The following ERC2 variants were observed in gnomAD, a reference collection of about 807,000 sequenced individuals.
ERC2 encodes ELKS/RAB6-interacting/CAST family member 2.
A neutral mutation model predicts 114.8 loss-of-function variants in ERC2; 42 were observed. That is an observed-to-expected ratio of 0.37 (90% CI 0.29 to 0.47). ERC2 has a LOEUF of 0.47. ERC2 is among the 20% of genes least tolerant of loss of function. The pLI is 0.99. For synonymous variants in ERC2, 454 were observed against 425.5 expected (o/e 1.07, Z -0.82); for missense variants, 939 against 1,150.7 (o/e 0.82, Z 2.66).
intron 17 of ERC2, among the ~76,000 whole-genome samples, chr3:55,668,423 G>A (rs953495926): frequency 6.6e-6 from 1 of 152,202 alleles, no homozygotes; most frequent in Non-Finnish European, 1.5e-5. Context: ...GGCAGAGAAA[G>A]ACTAAGTAGA....
At chr3:55,586,784 C>G (rs1351743423) in intron 17 of ERC2, among the ~76,000 whole-genome samples, 4 of 152,140 alleles carry the variant, frequency 2.6e-5, no homozygotes, top group South Asian at 2.1e-4. Context: ...AATTTTTATT[C>G]TGAAATATTT....
chr3:56,094,517 G>A (rs1560163199), intron 6 of ERC2, among the ~76,000 whole-genome samples: 1 of 152,148 alleles, frequency 6.6e-6, no homozygotes, highest in African/African-American at 2.4e-5. Context: ...GACCTTGGGG[G>A]AAGCTGCTTA....
At chr3:55,868,324 A>T (rs2062420241) in intron 14 of ERC2, among the ~76,000 whole-genome samples, 1 of 152,192 alleles carries the variant, frequency 6.6e-6, no homozygotes. Flanking sequence ...CACATCTAAA[A>T]AGTGGGAAAA....
At chr3:56,196,794 A>G (rs1447902845) in intron 3 of ERC2, among the ~76,000 whole-genome samples, 1 of 152,100 alleles carries the variant, frequency 6.6e-6, no homozygotes, top group Non-Finnish European at 1.5e-5. Flanking sequence ...ATCATGAGCC[A>G]TATGTTAGAA....
intron 2 of ERC2, among the ~76,000 whole-genome samples, chr3:56,341,973 G>A (rs1303356593): frequency 6.6e-6 from 1 of 152,200 alleles, no homozygotes; most frequent in Non-Finnish European, 1.5e-5. Flanking sequence ...GGCTGGAGAG[G>A]CAGGGTGCCA....
chr3:56,255,113 T>C (rs2052428178), intron 3 of ERC2, among the ~76,000 whole-genome samples: 1 of 152,208 alleles, frequency 6.6e-6, no homozygotes, highest in Admixed American at 6.5e-5. Flanking sequence ...GTAACACAGT[T>C]ATCATTTGTT....
intron 2 of ERC2, among the ~76,000 whole-genome samples, chr3:56,413,505 C>T (rs111477701): frequency 4.2e-4 from 64 of 152,254 alleles, no homozygotes; most frequent in African/African-American, 1.5e-3. Flanking sequence ...CATGGAAGGA[C>T]ACTGAGCCCA....
chr3:55,627,705 G>C (rs1449874816), intron 17 of ERC2, among the ~76,000 whole-genome samples: 1 of 152,082 alleles, frequency 6.6e-6, no homozygotes, highest in Non-Finnish European at 1.5e-5. Context: ...TCTTGATAGA[G>C]ACATCACAAA....
chr3:56,449,886 C>G (rs927345609), intron 1 of ERC2, among the ~76,000 whole-genome samples: 1 of 152,308 alleles, frequency 6.6e-6, no homozygotes, highest in African/African-American at 2.4e-5. Flanking sequence ...TAGAATTCTC[C>G]CAGTTCACTA....
intron 17 of ERC2, among the ~76,000 whole-genome samples, chr3:55,518,070 G>C (rs1368246876): frequency 6.6e-6 from 1 of 152,058 alleles, no homozygotes; most frequent in Non-Finnish European, 1.5e-5. Context: ...AGCATGCCAA[G>C]CCACTGCCCA....
At chr3:56,258,056 C>T (rs538146982) in intron 3 of ERC2, among the ~76,000 whole-genome samples, 3 of 152,234 alleles carry the variant, frequency 2.0e-5, no homozygotes, top group Admixed American at 2.0e-4. Context: ...TGCACAGAAG[C>T]CTGAGAGCAA....
intron 3 of ERC2, among the ~76,000 whole-genome samples, chr3:56,177,143 A>T (rs2083023088): frequency 6.6e-6 from 1 of 152,250 alleles, no homozygotes; most frequent in African/African-American, 2.4e-5. Context: ...TTCAGGCTTT[A>T]TCTACAGAGA....
At chr3:56,243,262 C>G (rs1576038936) in intron 3 of ERC2, among the ~76,000 whole-genome samples, 1 of 152,150 alleles carries the variant, frequency 6.6e-6, no homozygotes, top group South Asian at 2.1e-4. Flanking sequence ...AAAGGGCTAC[C>G]AAGAAGAATT....
chr3:56,382,731 A>T (rs1460372077), intron 2 of ERC2, among the ~76,000 whole-genome samples: 5 of 151,932 alleles, frequency 3.3e-5, no homozygotes. Context: ...TCTATATATG[A>T]TTATATTCTA....
chr3:56,228,276 T>C (rs1479836822), intron 3 of ERC2, among the ~76,000 whole-genome samples: 1 of 152,226 alleles, frequency 6.6e-6, no homozygotes, highest in African/African-American at 2.4e-5. Flanking sequence ...ACATTCACTT[T>C]GTTGTGCAAC....
intron 6 of ERC2, among the ~76,000 whole-genome samples, chr3:56,137,383 C>G (rs1031153802): frequency 7.2e-5 from 11 of 151,814 alleles, no homozygotes; most frequent in African/African-American, 2.7e-4. Flanking sequence ...AATGAATGCT[C>G]TAGAACAGCT....
intron 13 of ERC2, among the ~76,000 whole-genome samples, chr3:55,920,237 T>G (rs1219062652): frequency 6.6e-6 from 1 of 152,158 alleles, no homozygotes; most frequent in African/African-American, 2.4e-5. Flanking sequence ...TAAAATTTAA[T>G]TTGTATTGAG....
At chr3:56,052,445 A>G (rs2075817844) in intron 7 of ERC2, among the ~76,000 whole-genome samples, 1 of 152,222 alleles carries the variant, frequency 6.6e-6, no homozygotes, top group African/African-American at 2.4e-5. Flanking sequence ...AACAGAATTT[A>G]TTGAAACCCA....
intron 13 of ERC2, among the ~76,000 whole-genome samples, chr3:55,921,244 A>T (rs2065411073): frequency 6.6e-6 from 1 of 152,112 alleles, no homozygotes; most frequent in African/African-American, 2.4e-5. Context: ...CTGGTAAATA[A>T]AAATATATCC....
Sources: gnomAD v4.1 joint callset for allele counts (sites outside exome capture counted in the v4.1 genomes callset) on GRCh38, gnomAD v4.1.1 for gene constraint, MANE v1.5 for transcripts, NCBI Gene and HGNC (gene_info 2026-07-23, HGNC 2026-07-21) for gene names.